RBM20: variants seen among roughly 807,000 people sequenced by gnomAD.
RBM20 encodes RNA binding motif protein 20, also known as RNA-binding protein 20.
RBM20 carries 51 observed loss-of-function variants against 110.1 expected under a neutral mutation model. The observed-to-expected ratio is 0.46, with a 90% CI of 0.37 to 0.59. The LOEUF is 0.59. Ranked by LOEUF, RBM20 falls within the 20% of genes least tolerant of loss-of-function variation. RBM20 has a pLI of 0.00. For missense variants in RBM20, 1,512 were observed against 1,574.9 expected, an observed-to-expected ratio of 0.96 and a Z score of 0.68; for synonymous variants, 589 against 618.2, an observed-to-expected ratio of 0.95 and a Z score of 0.70.
At chr10:110,682,749 T>C (rs1381068507) in intron 1 of RBM20, among the ~76,000 whole-genome samples, 1 of 152,246 alleles carries the variant, frequency 6.6e-6, no homozygotes, top group Non-Finnish European at 1.5e-5. Context: ...CTATTTTTTC[T>C]TTGTAATTAA....
At chr10:110,824,530 C>A (rs1359146436) in intron 12 of RBM20, among the ~76,000 whole-genome samples, 1 of 152,106 alleles carries the variant, frequency 6.6e-6, no homozygotes, top group African/African-American at 2.4e-5. Flanking sequence ...GCCTTAGTTT[C>A]CTCTCTGTAA....
Position 110,821,560 on chromosome 10 carries a change from C to G in RBM20, c.2941C>G (p.Pro981Ala). ...GGCTGCAGAAATCAGCCTCAAGTCA[C>G]CCAGAGAACTGCCCTCTGCTTCCAC... is the stretch of plus-strand genomic sequence containing the variant. The part of the protein sequence containing the change: ...NGAAEISLKS[P>A]RELPSASTSC... Residue 981 changes from proline (P) to alanine (A), a missense_variant, in exon 11 of 14, where the codon CCC becomes GCC. By Grantham distance (27) the Pro-to-Ala change is conservative. Around this residue, in one of 3 missense-constraint regions of RBM20, gnomAD observed 358 missense variants for 384.2 expected, o/e 0.93. Transcript: ENST00000369519. 1.9e-6 allele frequency: 3 copies of G among 1,551,222 alleles called. No individual in the cohort carries two copies. Among genetic ancestry groups the G allele is most frequent in the Non-Finnish European group, 2.6e-6 (3 of 1,146,382 alleles).
At chr10:110,788,673 G>A (rs1342512796) in intron 5 of RBM20, among the ~76,000 whole-genome samples, 1 of 152,220 alleles carries the variant, frequency 6.6e-6, no homozygotes. Context: ...GACATTTGAA[G>A]ACAAGCTGAG....
intron 6 of RBM20, among the ~76,000 whole-genome samples, chr10:110,799,048 G>A (rs946867042): frequency 1.3e-5 from 2 of 152,164 alleles, no homozygotes; most frequent in Non-Finnish European, 2.9e-5. Context: ...AAACATAATC[G>A]GGAAGTTTTC....
chr10:110,828,166 T>C (rs1232002297), intron 12 of RBM20, among the ~76,000 whole-genome samples: 1 of 152,196 alleles, frequency 6.6e-6, no homozygotes, highest in African/African-American at 2.4e-5. Context: ...ACCCGTGCCA[T>C]GAGCTGTTAT....
intron 1 of RBM20, among the ~76,000 whole-genome samples, chr10:110,734,689 T>A (rs1242129668): frequency 6.6e-6 from 1 of 151,720 alleles, no homozygotes; most frequent in African/African-American, 2.4e-5. Flanking sequence ...TCAGTAATTT[T>A]AATCTTAAGA....
chr10:110,743,367 A>AT (rs1843743120), intron 1 of RBM20, among the ~76,000 whole-genome samples: 2 of 152,072 alleles, frequency 1.3e-5, no homozygotes, highest in African/African-American at 4.8e-5. Context: ...AACTGGGGTT[A>AT]TTTTTTTCAC....
rs185084367 is a variant in RBM20 at position 110,749,129 on chromosome 10, C to T, written c.192-31672C>T. Among the ~76,000 whole-genome samples, 95 of 152,286 alleles carry T rather than the reference C, an allele frequency of 6.2e-4. 1 individual carries two copies. The highest frequency in any genetic ancestry group is 3.4e-3 in the Middle Eastern group (1 of 294). ...TAAGATAAGAGATGCTAAATGTCAC[C>T]GCTGTGATTCAGCATTGTGCTGAAG... On this transcript the variant is annotated intron_variant, in intron 1 of 13. Coordinates refer to ENST00000369519, the MANE Select transcript of RBM20 (RefSeq NM_001134363.3).
Position 110,723,748 on chromosome 10 carries a change from C to T in RBM20, c.192-57053C>T, listed in dbSNP as rs1173813332. Reference sequence around the variant, plus strand: ...CTCTGGAGACACATCTATTCAAATCCTTTGCCTATTTTTAATTGGGTTATG... The same window carrying T: ...CTCTGGAGACACATCTATTCAAATCTTTTGCCTATTTTTAATTGGGTTATG... On this transcript the variant is annotated intron_variant, in intron 1 of 13. Transcript: ENST00000369519. Among the ~76,000 whole-genome samples the T allele has an allele frequency of 2.6e-5, 4 of 152,156 alleles. No homozygotes were observed. In the East Asian group the frequency reaches 7.7e-4, roughly 29 times the overall value.
chr10:110,696,489 C>T (rs1290539969), intron 1 of RBM20, among the ~76,000 whole-genome samples: 2 of 152,206 alleles, frequency 1.3e-5, no homozygotes, highest in Admixed American at 1.3e-4. Context: ...AATGCCTGCA[C>T]CACAGTGAGC....
chr10:110,681,586 AGCT>A (rs1425923601), intron 1 of RBM20, among the ~76,000 whole-genome samples: 1 of 152,240 alleles, frequency 6.6e-6, no homozygotes, highest in Non-Finnish European at 1.5e-5. Flanking sequence ...TAGAAATGGC[AGCT>A]GCTGCTGCTC....
intron 4 of RBM20, 51 bp downstream of exon 4, chr10:110,784,483 C>G (rs561338039): frequency 7.7e-7 from 1 of 1,304,730 alleles, no homozygotes; most frequent in East Asian, 2.5e-5. Context: ...GGGCTACCCA[C>G]AGGCACATTA....
chr10:110,799,979 G>A, intron 7 of RBM20, 61 bp downstream of exon 7: 1 of 1,466,540 alleles, frequency 6.8e-7, no homozygotes. Flanking sequence ...TCTCCTCCGT[G>A]TTAGGCACTG....
At chr10:110,741,415 C>A (rs1843724174) in intron 1 of RBM20, among the ~76,000 whole-genome samples, 1 of 152,172 alleles carries the variant, frequency 6.6e-6, no homozygotes, top group African/African-American at 2.4e-5. Context: ...TCTTCTGGCA[C>A]CAACAACTTC....
intron 1 of RBM20, among the ~76,000 whole-genome samples, chr10:110,668,814 G>A (rs1233652649): frequency 6.6e-6 from 1 of 151,942 alleles, no homozygotes; most frequent in East Asian, 1.9e-4. Context: ...TTCACTTGAA[G>A]GCAGAGACTG....
intron 7 of RBM20, among the ~76,000 whole-genome samples, chr10:110,808,788 A>G (rs1844726341): frequency 6.6e-6 from 1 of 152,046 alleles, no homozygotes; most frequent in Non-Finnish European, 1.5e-5. Context: ...CTCTATCTCA[A>G]CAATAACAGA....
chr10:110,719,144 T>C (rs1271289830), intron 1 of RBM20, among the ~76,000 whole-genome samples: 1 of 152,254 alleles, frequency 6.6e-6, no homozygotes, highest in Non-Finnish European at 1.5e-5. Context: ...TGGTAGATTC[T>C]GCCAAATGGT....
chr10:110,732,857 T>C (rs1266697251), intron 1 of RBM20, among the ~76,000 whole-genome samples: 1 of 152,080 alleles, frequency 6.6e-6, no homozygotes, highest in Non-Finnish European at 1.5e-5. Flanking sequence ...TGGTTCCCCA[T>C]AACAGACCCC....
chr10:110,821,183 C>G (rs1406441919), intron 10 of RBM20, 92 bp from the exon 11 acceptor site: 2 of 1,051,200 alleles, frequency 1.9e-6, no homozygotes, highest in Admixed American at 2.4e-5. Flanking sequence ...TCAGATTCTT[C>G]CTGATTTGAG....
Sources: gnomAD v4.1 joint callset for allele counts (sites outside exome capture counted in the v4.1 genomes callset) on GRCh38, gnomAD v4.1.1 for gene constraint, gnomAD v4.1.1 regional missense constraint, MANE v1.5 for transcripts, NCBI Gene and HGNC (gene_info 2026-07-23, HGNC 2026-07-21) for gene names.